The following SNX29 variants were observed in gnomAD, a reference collection of about 807,000 sequenced individuals.
SNX29 encodes sorting nexin-29.
A neutral mutation model predicts 102.1 loss-of-function variants in SNX29; 78 were observed. The observed-to-expected ratio is 0.76, with a 90% CI of 0.64 to 0.92. The LOEUF is 0.92. SNX29 is among the 40% of genes least tolerant of loss of function. SNX29 has a pLI of 0.00. For synonymous variants in SNX29, 580 were observed against 414.5 expected (o/e 1.40, Z -4.85); for missense variants, 1,280 against 1,061.7 (o/e 1.21, Z -2.86).
chr16:12,551,761 C>T (rs187970511), intron 20 of SNX29, among the ~76,000 whole-genome samples: 4 of 152,318 alleles, frequency 2.6e-5, no homozygotes, highest in Admixed American at 2.0e-4. Flanking sequence ...CTGCCTTGTA[C>T]ACATACCAGG....
At chr16:12,337,486 C>T (rs749822809) in intron 15 of SNX29, among the ~76,000 whole-genome samples, 7 of 151,900 alleles carry the variant, frequency 4.6e-5, no homozygotes, top group Non-Finnish European at 7.4e-5. Flanking sequence ...GGACTACAGG[C>T]ACGTACCATC....
intron 11 of SNX29, among the ~76,000 whole-genome samples, chr16:12,107,661 A>C (rs2053320491): frequency 1.3e-5 from 2 of 152,224 alleles, no homozygotes; most frequent in Middle Eastern, 6.8e-3. Flanking sequence ...AAACAAAAAA[A>C]AGAGGAGTTG....
Position 11,989,072 on chromosome 16 carries a change from C to G in SNX29, c.8-10225C>G, listed in dbSNP as rs149492638. ...ATTGCAACCTTAACCCCTTTGGGTTCAAGCGATTTTCCTGCCTCAGCCTCT... is the reference window on the plus strand; with the variant it reads ...ATTGCAACCTTAACCCCTTTGGGTTGAAGCGATTTTCCTGCCTCAGCCTCT... On this transcript the variant is annotated intron_variant, in intron 1 of 20. Transcript: ENST00000566228. Among the ~76,000 whole-genome samples, 249 of 152,152 alleles carry G rather than the reference C, an allele frequency of 1.6e-3. 2 individuals carry two copies. The highest frequency in any genetic ancestry group is 5.7e-3 in the African/African-American group (237 of 41,472).
intron 13 of SNX29, among the ~76,000 whole-genome samples, chr16:12,198,321 T>C (rs1334245647): frequency 6.6e-6 from 1 of 150,956 alleles, no homozygotes; most frequent in Non-Finnish European, 1.5e-5. Context: ...ATTATTAGGA[T>C]GTGTGTGTGC....
chr16:12,366,498 T>C (rs557707174), intron 16 of SNX29, among the ~76,000 whole-genome samples: 7 of 152,310 alleles, frequency 4.6e-5, no homozygotes, highest in Non-Finnish European at 1.0e-4. Flanking sequence ...GCATGGAGTC[T>C]GCAGGGCCCG....
chr16:12,264,600 G>T (rs1567373701), intron 14 of SNX29, among the ~76,000 whole-genome samples: 1 of 152,132 alleles, frequency 6.6e-6, no homozygotes. Flanking sequence ...TGGCTAACAA[G>T]GTGAAACCCT....
At chr16:12,062,942 C>T (rs1163446029) in intron 9 of SNX29, among the ~76,000 whole-genome samples, 1 of 152,078 alleles carries the variant, frequency 6.6e-6, no homozygotes, top group Non-Finnish European at 1.5e-5. Flanking sequence ...GTCAGCATTC[C>T]TGGCTGTTAA....
chr16:12,221,153 G>T (rs1024285614), intron 14 of SNX29, among the ~76,000 whole-genome samples: 2 of 151,872 alleles, frequency 1.3e-5, no homozygotes, highest in African/African-American at 4.8e-5. Flanking sequence ...TTTCTGCGAG[G>T]CACACGTAGT....
chr16:12,551,720 A>T (rs149574214), intron 20 of SNX29, among the ~76,000 whole-genome samples: 1 of 152,312 alleles, frequency 6.6e-6, no homozygotes, highest in Non-Finnish European at 1.5e-5. Context: ...CAACTTGTGA[A>T]TGGGGACAGC....
chr16:12,430,696 C>G (rs1303382889), intron 18 of SNX29, among the ~76,000 whole-genome samples: 1 of 152,164 alleles, frequency 6.6e-6, no homozygotes, highest in East Asian at 1.9e-4. Context: ...ATTGTTATGA[C>G]TGTTACTATT....
intron 16 of SNX29, among the ~76,000 whole-genome samples, chr16:12,363,713 G>A (rs761152534): frequency 2.6e-5 from 4 of 152,204 alleles, no homozygotes; most frequent in African/African-American, 4.8e-5. Context: ...TCGGAAAAAA[G>A]AGATGAGCAG....
intron 15 of SNX29, among the ~76,000 whole-genome samples, chr16:12,318,818 G>GT (rs1337872616): frequency 6.6e-6 from 1 of 152,152 alleles, no homozygotes; most frequent in Non-Finnish European, 1.5e-5. Flanking sequence ...GTGTCCACGT[G>GT]TAAGTGTGCA....
chr16:12,005,013 G>A (rs2056408562), intron 3 of SNX29, among the ~76,000 whole-genome samples: 1 of 152,196 alleles, frequency 6.6e-6, no homozygotes, highest in African/African-American at 2.4e-5. Context: ...TTATCCGGAT[G>A]AGCGTGTGTA....
At chr16:12,335,402 C>T (rs2081416428) in intron 15 of SNX29, among the ~76,000 whole-genome samples, 1 of 152,144 alleles carries the variant, frequency 6.6e-6, no homozygotes, top group South Asian at 2.1e-4. Context: ...CAGTGGCTCA[C>T]ACCTGTAATC....
At chr16:12,482,131 C>G (rs376282373) in intron 19 of SNX29, among the ~76,000 whole-genome samples, 9 of 152,286 alleles carry the variant, frequency 5.9e-5, no homozygotes, top group East Asian at 1.9e-4. Context: ...CTACATTGGC[C>G]CAGAAAAATC....
chr16:12,461,983 ATAT>A (rs2086810093), intron 18 of SNX29, among the ~76,000 whole-genome samples: 3 of 49,542 alleles, frequency 6.1e-5, no homozygotes, highest in African/African-American at 1.4e-4. Flanking sequence ...AAAAAAATAT[ATAT>A]ATATATATAT....
At chr16:12,429,258 CCTT>C (rs1482085018) in intron 18 of SNX29, among the ~76,000 whole-genome samples, 1 of 152,208 alleles carries the variant, frequency 6.6e-6, no homozygotes, top group Non-Finnish European at 1.5e-5. Flanking sequence ...ATTAATATCT[CCTT>C]CTAGTTAGTC....
At chr16:12,325,120 C>T (rs1306860045) in intron 15 of SNX29, among the ~76,000 whole-genome samples, 3 of 152,174 alleles carry the variant, frequency 2.0e-5, no homozygotes, top group African/African-American at 7.2e-5. Flanking sequence ...CCTTCGCTAG[C>T]AATGTATCCC....
chr16:12,013,541 A>ATATATG (rs1325376334), intron 3 of SNX29, among the ~76,000 whole-genome samples: 3 of 119,224 alleles, frequency 2.5e-5, no homozygotes, highest in East Asian at 6.4e-4. Context: ...ATATATATAT[A>ATATATG]TCGAGAGAGG....
Sources: gnomAD v4.1 joint callset for allele counts (sites outside exome capture counted in the v4.1 genomes callset) on GRCh38, gnomAD v4.1.1 for gene constraint, MANE v1.5 for transcripts, NCBI Gene and HGNC (gene_info 2026-07-23, HGNC 2026-07-21) for gene names.